The following MTRF1 variants were observed in gnomAD, a reference collection of about 807,000 sequenced individuals.
MTRF1 encodes the protein mitochondrial translation release factor 1.
A neutral mutation model predicts 62.9 loss-of-function variants in MTRF1; 51 were observed. That is an observed-to-expected ratio of 0.81 (90% CI 0.65 to 1.02). The LOEUF is 1.02. Among genes scored for constraint, MTRF1 ranks in the 50% least tolerant of loss-of-function variants. The pLI is 0.00. For missense variants in MTRF1, 446 were observed against 530.0 expected (o/e 0.84, Z 1.56); for synonymous variants, 158 against 181.9 (o/e 0.87, Z 1.06).
At chr13:41,305,810 T>C in the MTRF1 span, among the ~76,000 whole-genome samples, 1 of 152,100 alleles carries the variant, frequency 6.6e-6, no homozygotes, top group South Asian at 2.1e-4. Flanking sequence ...TGGTTTAAAG[T>C]AGTCCTTCCC....
intron 1 of MTRF1, chr13:41,262,441 T>C (rs1161916328): frequency 6.6e-6 from 1 of 152,096 alleles, no homozygotes; most frequent in African/African-American, 2.4e-5. Flanking sequence ...TACTTTTCAG[T>C]GTTTTCCAAG....
the MTRF1 span, chr13:41,311,502 G>C: frequency 1.3e-6 from 2 of 1,582,036 alleles, no homozygotes; most frequent in Non-Finnish European, 1.7e-6. Flanking sequence ...CCTCCCTGCC[G>C]GCCACCTAGC....
At chr13:41,272,111 G>T in the MTRF1 span, among the ~76,000 whole-genome samples, 2 of 152,172 alleles carry the variant, frequency 1.3e-5, no homozygotes, top group South Asian at 4.1e-4. Flanking sequence ...AAACCAAAGA[G>T]ATCAGGTCAT....
intron 8 of MTRF1, among the ~76,000 whole-genome samples, chr13:41,223,980 T>G (rs909888946): frequency 6.6e-6 from 1 of 152,192 alleles, no homozygotes. Flanking sequence ...TTCTGATAAA[T>G]TTTCTTTGGT....
the MTRF1 span, among the ~76,000 whole-genome samples, chr13:41,308,185 T>G: frequency 6.6e-6 from 1 of 152,194 alleles, no homozygotes; most frequent in Non-Finnish European, 1.5e-5. Flanking sequence ...TAATGATTTG[T>G]AGTAAATAAG....
chr13:41,240,600 A>C (rs1255323774), intron 5 of MTRF1, among the ~76,000 whole-genome samples, 167 bp from the exon 6 acceptor site: 1 of 152,198 alleles, frequency 6.6e-6, no homozygotes, highest in African/African-American at 2.4e-5. Flanking sequence ...AGAGGACATA[A>C]AGTATGCACA....
At chr13:41,311,430 G>A in the MTRF1 span, 10 of 1,178,652 alleles carry the variant, frequency 8.5e-6, no homozygotes, top group Non-Finnish European at 1.1e-5. Flanking sequence ...CCCGCAGCCC[G>A]ACTCTCAGCA....
chr13:41,269,103 T>A, the MTRF1 span, among the ~76,000 whole-genome samples: 1 of 151,188 alleles, frequency 6.6e-6, no homozygotes, highest in Non-Finnish European at 1.5e-5. Flanking sequence ...TATTTCTCTT[T>A]AAGCTTTCTT....
intron 8 of MTRF1, among the ~76,000 whole-genome samples, chr13:41,224,095 T>C (rs985313291): frequency 6.6e-6 from 1 of 152,230 alleles, no homozygotes; most frequent in African/African-American, 2.4e-5. Context: ...TTAATCTCCA[T>C]AATGCCACTA....
chr13:41,249,728 G>C (rs887425105), intron 5 of MTRF1, among the ~76,000 whole-genome samples: 2 of 128,322 alleles, frequency 1.6e-5, no homozygotes, highest in Admixed American at 9.8e-5. Flanking sequence ...CTGGGTTCAA[G>C]TGATTCCCAT....
chr13:41,311,685 G>A, the MTRF1 span: 9 of 1,024,078 alleles, frequency 8.8e-6, no homozygotes, highest in East Asian at 1.4e-4. Context: ...CTTGGCCTCC[G>A]CTGCCCACCG....
chr13:41,300,509 C>T, the MTRF1 span, among the ~76,000 whole-genome samples: 3 of 151,900 alleles, frequency 2.0e-5, no homozygotes, highest in African/African-American at 7.2e-5. Flanking sequence ...TGGCCTAAAC[C>T]CAGGAGGCGG....
chr13:41,286,089 A>AAC, the MTRF1 span, among the ~76,000 whole-genome samples: 58 of 11,814 alleles, frequency 4.9e-3, no homozygotes, highest in African/African-American at 5.4e-3. Context: ...CAACAACAAC[A>AAC]AAAAAAAAAA....
chr13:41,249,626 T>TTC (rs2038789170), intron 5 of MTRF1, among the ~76,000 whole-genome samples: 1 of 114,472 alleles, frequency 8.7e-6, no homozygotes, highest in Non-Finnish European at 1.8e-5. Flanking sequence ...TTTCTTTTTT[T>TTC]TTTTTTTTTT....
chr13:41,221,081 C>A (rs867263403), intron 9 of MTRF1, among the ~76,000 whole-genome samples: 1 of 152,090 alleles, frequency 6.6e-6, no homozygotes, highest in Non-Finnish European at 1.5e-5. Flanking sequence ...ATTTGTCCAA[C>A]AGCTGTTGCC....
At chr13:41,302,404 A>ATC in the MTRF1 span, among the ~76,000 whole-genome samples, 6 of 86,868 alleles carry the variant, frequency 6.9e-5, no homozygotes, top group Non-Finnish European at 1.3e-4. Flanking sequence ...AGAGAGAGAG[A>ATC]GACCTTTGTT....
At chr13:41,230,421 G>C (rs1227240291) in intron 7 of MTRF1, among the ~76,000 whole-genome samples, 2 of 151,292 alleles carry the variant, frequency 1.3e-5, no homozygotes, top group African/African-American at 2.4e-5. Context: ...TGCGCCACCA[G>C]GCCCAGCTAA....
the MTRF1 span, among the ~76,000 whole-genome samples, chr13:41,307,907 T>C: frequency 6.6e-6 from 1 of 152,202 alleles, no homozygotes; most frequent in African/African-American, 2.4e-5. Context: ...ATATGAGTAT[T>C]TATAACTATA....
chr13:41,267,898 C>T (rs1199314496), upstream of MTRF1, among the ~76,000 whole-genome samples: 1 of 151,536 alleles, frequency 6.6e-6, no homozygotes, highest in Non-Finnish European at 1.5e-5. Context: ...AAAAAGCTTG[C>T]TTTCTGAACA....
Sources: allele counts gnomAD v4.1 joint callset (sites outside exome capture counted in the v4.1 genomes callset), GRCh38; gene constraint gnomAD v4.1.1; transcripts MANE v1.5; gene names NCBI Gene and HGNC (gene_info 2026-07-23, HGNC 2026-07-21).